MYH14: variants seen among roughly 807,000 people sequenced by gnomAD.
MYH14 encodes the protein myosin-14.
In MYH14, 123 loss-of-function variants were observed where a neutral mutation model predicts 255.5. The observed-to-expected ratio is 0.48, with a 90% confidence interval of 0.42 to 0.56. The LOEUF (loss-of-function observed/expected upper bound fraction) is 0.56, where lower values mean the gene tolerates loss of function less well. MYH14 is among the 20% of genes least tolerant of loss of function. The pLI is 0.00. For missense variants in MYH14, 2,423 were observed against 2,802.3 expected, an observed-to-expected ratio of 0.86 and a Z score of 3.06; for synonymous variants, 1,095 against 1,161.2, an observed-to-expected ratio of 0.94 and a Z score of 1.16.
chr19:50,226,611 C>G (rs1230044978), intron 7 of MYH14, among the ~76,000 whole-genome samples: 4 of 140,246 alleles, frequency 2.9e-5, no homozygotes, highest in Admixed American at 1.4e-4. Context: ...AGTGCAGGCC[C>G]GGATCCCTGG....
rs1461000874 is a variant in MYH14, at chr19:50,230,641, C to G, written c.973+18C>G. ...GCTCAAAGGTCAGTGCCGCCCCGTC[C>G]TACCCTGCTCACCCGGGAGAGGGTG... is the stretch of plus-strand genomic sequence containing the variant. On this transcript the variant is annotated intron_variant, in intron 9 of 42. Transcript: ENST00000642316. The surrounding 1 kb of genome is among the most constrained non-coding windows in gnomAD (Gnocchi z 4.7). The G allele has an allele frequency of 6.4e-7, 1 of 1,551,370 alleles. No individual in the cohort carries two copies. The highest frequency in any genetic ancestry group is 8.7e-7 in the Non-Finnish European group (1 of 1,146,604).
At chr19:50,271,691 G>T in intron 25 of MYH14, 145 bp downstream of exon 25, 1 of 1,450,906 alleles carries the variant, frequency 6.9e-7, no homozygotes, top group Non-Finnish European at 9.3e-7. Context: ...AGCCCCAAGG[G>T]AATGGGAAGG....
rs1360991670 is a variant in MYH14, at chr19:50,250,254, C to G, written c.1657-261C>G. On this transcript the variant is annotated intron_variant, in intron 14 of 42. Transcript: ENST00000642316. This position sits in a 1 kb window ranked among gnomAD's most constrained non-coding sequence, Gnocchi z 5.4. ...TAGCTGGGACTACAGGTGCCCGCCA[C>G]CACGCCCGGCTAATTTTTTGTATTT... Among the ~76,000 whole-genome samples the G allele has an allele frequency of 2.0e-5, 3 of 152,168 alleles. No individual in the cohort carries two copies. Among genetic ancestry groups the G allele is most frequent in the Admixed American group, 6.5e-5 (1 of 15,280 alleles).
chr19:50,216,334 G>A (rs1420564329), intron 2 of MYH14, among the ~76,000 whole-genome samples: 1 of 152,124 alleles, frequency 6.6e-6, no homozygotes, highest in African/African-American at 2.4e-5. Flanking sequence ...CAGGTGCGGT[G>A]ACTCAAGCCT....
intron 3 of MYH14, among the ~76,000 whole-genome samples, chr19:50,219,967 A>G (rs4802673): frequency 0.5 from 76,091 of 151,652 alleles, 21,826 homozygotes; most frequent in Non-Finnish European, 0.64. Context: ...TTGGGAGGCC[A>G]AGGCAGGAGA....
rs375563286 is a variant in MYH14 at position 50,286,506 on chromosome 19, G to T, written c.4564G>T (p.Val1522Leu). ...DQLLAEEKAA[V>L]LRAVEERERA... Reference sequence around the variant, plus strand: ...GCTTCTGGCAGAGGAGAAGGCAGCTGTACTTCGGGCAGTGGAGGAACGTGA... The same window carrying T: ...GCTTCTGGCAGAGGAGAAGGCAGCTTTACTTCGGGCAGTGGAGGAACGTGA... The change falls in exon 34 of 43, where the codon GTA becomes TTA. Residue 1522 changes from valine to leucine, a missense_variant. Around this residue, in one of 3 missense-constraint regions of MYH14, gnomAD observed 1,513 missense variants for 1,674.8 expected, o/e 0.90. Coordinates refer to ENST00000642316, the MANE Select transcript of MYH14 (RefSeq NM_001145809.2). 6.2e-7 allele frequency: 1 copy of T among 1,613,374 alleles called. No individual in the cohort carries two copies. Among genetic ancestry groups the T allele is most frequent in the East Asian group, 2.2e-5 (1 of 44,868 alleles).
Position 50,257,456 on chromosome 19 carries a change from C to T in MYH14, c.2202C>T (p.Val734=). 1 of 1,607,248 alleles carries T rather than the reference C, an allele frequency of 6.2e-7. No individual in the cohort carries two copies. Among genetic ancestry groups the T allele is most frequent in the South Asian group, 1.1e-5 (1 of 89,588 alleles). The change falls in exon 18 of 43, where the codon GTC becomes GTT. Residue 734 remains valine (V), a synonymous_variant. Coordinates refer to ENST00000642316, the MANE Select transcript of MYH14 (RefSeq NM_001145809.2). ...TCAGCAACACCAACCCCAGTTTTGT[C>T]CGCTGCATTGTCCCCAACCACGAGA... ...ATLSNTNPSF[V]RCIVPNHEKR...
rs1416283443 is a variant in MYH14 at position 50,290,871 on chromosome 19, C to T, written c.4966-16C>T. On this transcript the variant is annotated splice_polypyrimidine_tract_variant and intron_variant, in intron 35 of 42. Transcript: ENST00000642316. ...CTTCCTGTGTCTGACCCGGTCCCTC[C>T]TGACCTCCTCTCCAGCTGAGAGATG... 6.4e-7 allele frequency: 1 copy of T among 1,550,810 alleles called. No individual in the cohort carries two copies. The highest frequency in any genetic ancestry group is 8.7e-7 in the Non-Finnish European group (1 of 1,147,924).
Position 50,301,656 on chromosome 19 carries a change from T to C in MYH14, c.5470-5T>C, listed in dbSNP as rs1183427636. On this transcript the variant is annotated splice_region_variant and splice_polypyrimidine_tract_variant and intron_variant, in intron 39 of 42. Coordinates refer to ENST00000642316, the MANE Select transcript of MYH14 (RefSeq NM_001145809.2). ...ATGACATCCTTCCTTCCCCTCCTGC[T>C]ACAGGTAGAGTCACTGACCACAGAG... 1.2e-6 allele frequency: 2 copies of C among 1,608,700 alleles called. No individual in the cohort carries two copies. Among genetic ancestry groups the C allele is most frequent in the Non-Finnish European group, 8.5e-7 (1 of 1,175,604 alleles).
At chr19:50,220,567 T>C (rs1383860255) in intron 3 of MYH14, among the ~76,000 whole-genome samples, 1 of 152,044 alleles carries the variant, frequency 6.6e-6, no homozygotes, top group Admixed American at 6.6e-5. Flanking sequence ...TGCTTATTTT[T>C]TTTTTTGAGA....
At position 50,242,207 on chromosome 19, in the gene MYH14, A is replaced by T. The variant is rs184155658; in HGVS notation, c.1115-2035A>T. On this transcript the variant is annotated intron_variant, in intron 10 of 42. Coordinates refer to ENST00000642316, the MANE Select transcript of MYH14 (RefSeq NM_001145809.2). ...CATATTCTAGGGGGCAGCACTACCC[A>T]CTTCCAATGCACTTTCTAGAACTCT... Among the ~76,000 whole-genome samples the T allele has an allele frequency of 2.6e-5, 4 of 152,232 alleles. No individual in the cohort carries two copies. The East Asian group carries it at 7.7e-4, about 29-fold the overall frequency.
At chr19:50,257,108 A>G (rs939852803) in intron 17 of MYH14, among the ~76,000 whole-genome samples, 191 bp from the exon 18 acceptor site, 1 of 152,210 alleles carries the variant, frequency 6.6e-6, no homozygotes, top group Non-Finnish European at 1.5e-5. Flanking sequence ...CCTTAAGCAC[A>G]TTCTCCCACT....
intron 12 of MYH14, among the ~76,000 whole-genome samples, chr19:50,248,697 C>T: frequency 6.6e-6 from 1 of 152,220 alleles, no homozygotes; most frequent in East Asian, 1.9e-4. Flanking sequence ...AGTTGTCCGG[C>T]TCCAGAGTCC....
At chr19:50,248,917 G>A (rs75803230) in intron 12 of MYH14, 70 bp from the exon 13 acceptor site, 567 of 1,567,644 alleles carry the variant, frequency 3.6e-4, no homozygotes, top group Non-Finnish European at 4.3e-4. Context: ...GCCCTTCCCC[G>A]GTTCACCCCC....
At position 50,266,537 on chromosome 19, in the gene MYH14, C is replaced by G. The variant is rs1333569827; in HGVS notation, c.2695-340C>G. Among the ~76,000 whole-genome samples, 1 of 151,618 alleles carries G rather than the reference C, an allele frequency of 6.6e-6. No homozygotes were observed. The highest frequency in any genetic ancestry group is 1.5e-5 in the Non-Finnish European group (1 of 67,956). On this transcript the variant is annotated intron_variant, in intron 22 of 42. Transcript: ENST00000642316. The surrounding 1 kb of genome is among the most constrained non-coding windows in gnomAD (Gnocchi z 4.1). The stretch of plus-strand genomic sequence containing the variant: ...TCCCACCACTGCACTCCAGCCTGGG[C>G]GAGAGAGCAAGACTCTGTCGAAAGG...
intron 13 of MYH14, chr19:50,249,381 C>T: frequency 1.6e-6 from 1 of 613,890 alleles, no homozygotes; most frequent in Middle Eastern, 4.4e-4. Context: ...GTCCCCCTCT[C>T]TCTCTGGGTC....
Position 50,212,314 on chromosome 19 carries a change from A to C in MYH14, c.405+1544A>C, listed in dbSNP as rs182661922. Among the ~76,000 whole-genome samples the C allele has an allele frequency of 5.1e-4, 77 of 152,340 alleles. 1 individual carries two copies. The highest frequency in any genetic ancestry group is 1.2e-3 in the South Asian group (6 of 4,828). Reference sequence around the variant, plus strand: ...AGCCAAGGGGTTATTAATTTCATTGAACAAAAGAGCAAACAGGATTAGAGA... The same window carrying C: ...AGCCAAGGGGTTATTAATTTCATTGCACAAAAGAGCAAACAGGATTAGAGA... On this transcript the variant is annotated intron_variant, in intron 2 of 42. Coordinates refer to ENST00000642316, the MANE Select transcript of MYH14 (RefSeq NM_001145809.2).
chr19:50,285,290 A>G (rs2035857911), intron 33 of MYH14: 1 of 152,246 alleles, frequency 6.6e-6, no homozygotes, highest in Non-Finnish European at 1.5e-5. Flanking sequence ...CCCAAAACAA[A>G]AAGCCTTCCA....
chr19:50,298,178 C>T (rs1474404019), intron 39 of MYH14, among the ~76,000 whole-genome samples: 1 of 152,146 alleles, frequency 6.6e-6, no homozygotes, highest in Non-Finnish European at 1.5e-5. Context: ...CCCAGCGAGG[C>T]CTGTCTGTTC....
Sources: allele counts gnomAD v4.1 joint callset (sites outside exome capture counted in the v4.1 genomes callset), GRCh38; gene constraint gnomAD v4.1.1; regional missense constraint gnomAD v4.1.1; non-coding constraint Gnocchi (gnomAD v3.1); transcripts MANE v1.5; gene names NCBI Gene and HGNC (gene_info 2026-07-23, HGNC 2026-07-21).